The following RGPD4 variants were observed in gnomAD, a reference collection of about 807,000 sequenced individuals.
RGPD4 encodes the protein ranBP2-like and GRIP domain-containing protein 4.
Under a neutral mutation model 141.1 loss-of-function variants are expected in RGPD4, and 84 were observed. The ratio of observed to expected loss-of-function variants is 0.60; its 90% CI spans 0.50 to 0.71. The LOEUF is 0.71. Among genes scored for constraint, RGPD4 ranks in the 30% least tolerant of loss-of-function variants. The pLI, the probability that RGPD4 is intolerant of heterozygous loss-of-function variation, is 0.00. For synonymous variants in RGPD4, 298 were observed against 566.8 expected (o/e 0.53, Z 6.74); for missense variants, 918 against 1,622.4 (o/e 0.57, Z 7.46).
intron 20 of RGPD4, among the ~76,000 whole-genome samples, chr2:107,875,622 G>A (rs1431355235): frequency 2.8e-5 from 4 of 144,952 alleles, no homozygotes; most frequent in Admixed American, 1.4e-4. Context: ...CTAATTTTTT[G>A]CGCTTTGCAT....
chr2:107,854,874 CTT>C (rs1682254064), intron 8 of RGPD4, among the ~76,000 whole-genome samples: 1 of 149,258 alleles, frequency 6.7e-6, no homozygotes, highest in South Asian at 2.1e-4. Flanking sequence ...TTTCTTAACT[CTT>C]TCTTCATCTG....
At chr2:107,885,989 G>T (rs1412616556) in intron 22 of RGPD4, among the ~76,000 whole-genome samples, 3 of 151,054 alleles carry the variant, frequency 2.0e-5, no homozygotes, top group Non-Finnish European at 4.4e-5. Flanking sequence ...GGAGGCAGAG[G>T]TTGCAGTGAG....
At position 107,836,585 on chromosome 2, in the gene RGPD4, C is replaced by G; in HGVS notation, c.73-17C>G. ...TATTTCTGTATGAAATGTAAAACAA[C>G]TTTTAATTTTTTTTAGAAGTCAACG... On this transcript the variant is annotated splice_polypyrimidine_tract_variant and intron_variant, in intron 1 of 22. Coordinates refer to ENST00000408999, the MANE Select transcript of RGPD4 (RefSeq NM_182588.3). 1.3e-6 allele frequency: 2 copies of G among 1,520,692 alleles called. No individual in the cohort carries two copies. Among genetic ancestry groups the G allele is most frequent in the Non-Finnish European group, 8.8e-7 (1 of 1,130,240 alleles). The allele number at this position is 1,520,692 out of a possible 1,614,324, so 94.2% of individuals were successfully genotyped here.
At chr2:107,827,128 G>T (rs1470310890) in intron 1 of RGPD4, 43 bp downstream of exon 1, 2 of 1,555,796 alleles carry the variant, frequency 1.3e-6, no homozygotes, top group Non-Finnish European at 1.7e-6. Flanking sequence ...ACCTGGCCGG[G>T]CGGCGGAGGC....
intron 9 of RGPD4, among the ~76,000 whole-genome samples, chr2:107,857,216 T>TA (rs1388550378): frequency 6.6e-6 from 1 of 151,000 alleles, no homozygotes; most frequent in African/African-American, 2.5e-5. Flanking sequence ...CGGCTCACTG[T>TA]AACCTCTGCC....
At chr2:107,830,391 G>A (rs1292178493) in intron 1 of RGPD4, among the ~76,000 whole-genome samples, 1 of 150,966 alleles carries the variant, frequency 6.6e-6, no homozygotes, top group East Asian at 1.9e-4. Flanking sequence ...GATTCTTAGT[G>A]GGGACCTTGG....
intron 7 of RGPD4, among the ~76,000 whole-genome samples, chr2:107,849,311 C>T (rs1398983659): frequency 2.6e-5 from 3 of 116,366 alleles, no homozygotes; most frequent in East Asian, 2.3e-4. Flanking sequence ...GCCTTGGTCT[C>T]CCAAAGTGCT....
intron 22 of RGPD4, among the ~76,000 whole-genome samples, chr2:107,886,037 G>T (rs921119263): frequency 7.8e-6 from 1 of 127,808 alleles, no homozygotes; most frequent in Non-Finnish European, 1.6e-5. Flanking sequence ...CGAGCAACAA[G>T]ATCAAAACTC....
Position 107,871,281 on chromosome 2 carries a change from A to G in RGPD4, c.3277A>G (p.Asn1093Asp), listed in dbSNP as rs1351862572. 1.2e-6 allele frequency: 2 copies of G among 1,607,706 alleles called. No individual in the cohort carries two copies. Among genetic ancestry groups the G allele is most frequent in the East Asian group, 4.5e-5 (2 of 44,862 alleles). ...GNLKILKNEVNGKPRMLMRRE... is the reference protein window; with the variant it reads ...GNLKILKNEVDGKPRMLMRRE... ...CTTAAAAATTCTCAAAAACGAGGTC[A>G]ATGGCAAACCAAGAATGCTGATGCG... Residue 1093 changes from asparagine to aspartate, a missense_variant, in exon 20 of 23, where the codon AAT becomes GAT. By Grantham distance (23) the Asn-to-Asp change is conservative. Coordinates refer to ENST00000408999, the MANE Select transcript of RGPD4 (RefSeq NM_182588.3).
chr2:107,831,668 C>G (rs1371151947), intron 1 of RGPD4, among the ~76,000 whole-genome samples: 2 of 137,186 alleles, frequency 1.5e-5, no homozygotes, highest in African/African-American at 5.6e-5. Context: ...CTCTGCCTCC[C>G]GGGTTCACAC....
intron 11 of RGPD4, 73 bp downstream of exon 11, chr2:107,859,627 G>T (rs1682467418): frequency 6.2e-7 from 1 of 1,611,320 alleles, no homozygotes; most frequent in African/African-American, 1.3e-5. Flanking sequence ...CTCATGTGAA[G>T]ATTTAATTTG....
At chr2:107,844,525 T>G (rs1362343596) in intron 6 of RGPD4, among the ~76,000 whole-genome samples, 1 of 151,988 alleles carries the variant, frequency 6.6e-6, no homozygotes, top group Non-Finnish European at 1.5e-5. Flanking sequence ...TAGTTTAGGC[T>G]GTCCATTTGT....
chr2:107,872,274 G>C lies in RGPD4; in HGVS notation c.4270G>C (p.Glu1424Gln). The change falls in exon 20 of 23, where the codon GAA (glutamate) becomes CAA (glutamine). Residue 1424 changes from glutamate (E) to glutamine (Q), a missense_variant. Glu to Gln is a conservative substitution (Grantham distance 29). Transcript: ENST00000408999. ...GAGTTTGCAAAATATGAAAGGGACA[G>C]AAAGAGTATGGGTGTGGACTGCATG... is the stretch of plus-strand genomic sequence containing the variant. The part of the protein sequence containing the change: ...DMSLQNMKGT[E>Q]RVWVWTACDF... 3 of 1,611,072 alleles carry C rather than the reference G, an allele frequency of 1.9e-6. No individual in the cohort carries two copies. The highest frequency in any genetic ancestry group is 2.5e-6 in the Non-Finnish European group (3 of 1,179,796).
In RGPD4 at chr2:107,880,047, C is replaced by T. The variant is rs202136029; in HGVS notation, c.5004C>T (p.His1668=). 1.9e-6 allele frequency: 3 copies of T among 1,611,416 alleles called. No homozygotes were observed. In the South Asian group the frequency reaches 3.3e-5, roughly 18 times the overall value. Residue 1668 remains histidine, a synonymous_variant, in exon 21 of 23, where the codon CAC becomes CAT. Coordinates refer to ENST00000408999, the MANE Select transcript of RGPD4 (RefSeq NM_182588.3). ...GTTCCACCACAAAAAGTGCAGATCA[C>T]TTAAACGGCCTGCTTCGGGAAGCAG... is the stretch of plus-strand genomic sequence containing the variant. The part of the protein sequence containing the change: ...KLSSTTKSAD[H]LNGLLREAEA...
chr2:107,867,242 C>T (rs564118254), intron 18 of RGPD4, among the ~76,000 whole-genome samples: 7 of 151,732 alleles, frequency 4.6e-5, no homozygotes, highest in African/African-American at 1.5e-4. Flanking sequence ...GTACGACAGA[C>T]TTCTGAAATG....
At chr2:107,827,701 G>A (rs868293460) in intron 1 of RGPD4, among the ~76,000 whole-genome samples, 2 of 30,796 alleles carry the variant, frequency 6.5e-5, no homozygotes, top group South Asian at 1.4e-3. Flanking sequence ...GGGCGGCGGC[G>A]GCCTGGACCT....
At chr2:107,881,641 ACT>A (rs1423693909) in intron 21 of RGPD4, among the ~76,000 whole-genome samples, 8 of 150,292 alleles carry the variant, frequency 5.3e-5, no homozygotes, top group Non-Finnish European at 1.5e-5. Context: ...ATAAATTTAT[ACT>A]CTCTTCATGA....
At chr2:107,865,971 G>C (rs1315675817) in intron 17 of RGPD4, among the ~76,000 whole-genome samples, 1 of 93,090 alleles carries the variant, frequency 1.1e-5, no homozygotes, top group Non-Finnish European at 2.3e-5. Flanking sequence ...TTGGGAAGCT[G>C]AGGTGGGAGA....
Position 107,859,106 on chromosome 2 carries a change from T to C in RGPD4, c.1277-8T>C. On this transcript the variant is annotated splice_region_variant and splice_polypyrimidine_tract_variant and intron_variant, in intron 9 of 22. Transcript: ENST00000408999. ...AACCCTTAAGCCAATTTTTTTATTT[T>C]ATTTCAGGTGCTATTCGAGCACATA... 9.0e-7 allele frequency: 1 copy of C among 1,116,438 alleles called. No homozygotes were observed. Among genetic ancestry groups the C allele is most frequent in the Non-Finnish European group, 1.2e-6 (1 of 842,454 alleles). 69.2% of individuals were successfully genotyped at this position (1,116,438 alleles called of 1,614,324 possible).
Sources: allele counts gnomAD v4.1 joint callset (sites outside exome capture counted in the v4.1 genomes callset), GRCh38; gene constraint gnomAD v4.1.1; transcripts MANE v1.5; gene names NCBI Gene and HGNC (gene_info 2026-07-23, HGNC 2026-07-21).